The following TRAPPC9 variants were observed in gnomAD, a reference collection of about 807,000 sequenced individuals.
The protein encoded by TRAPPC9 is IKK2 binding protein.
A neutral mutation model predicts 124.0 loss-of-function variants in TRAPPC9; 83 were observed. The observed-to-expected ratio is 0.67, with a 90% CI of 0.56 to 0.80. The LOEUF (loss-of-function observed/expected upper bound fraction) is 0.80, where lower values mean the gene tolerates loss of function less well. Ranked by LOEUF, TRAPPC9 falls within the 30% of genes least tolerant of loss-of-function variation. TRAPPC9 has a pLI of 0.00. For synonymous variants in TRAPPC9, 638 were observed against 617.5 expected (o/e 1.03, Z -0.49); for missense variants, 1,302 against 1,508.3 (o/e 0.86, Z 2.27).
chr8:139,852,260 C>A (rs1827527714), intron 21 of TRAPPC9, among the ~76,000 whole-genome samples: 1 of 152,188 alleles, frequency 6.6e-6, no homozygotes, highest in African/African-American at 2.4e-5. Flanking sequence ...TTTTTAAAGA[C>A]ATGCCCAGTC....
rs946309015 is a variant in TRAPPC9, at chr8:140,063,678, C to T, written c.2557-39599G>A. 5.3e-5 allele frequency among the ~76,000 whole-genome samples: 8 copies of T among 152,178 alleles called. No individual in the cohort carries two copies. The highest frequency in any genetic ancestry group is 4.4e-5 in the Non-Finnish European group (3 of 68,034). The stretch of plus-strand genomic sequence containing the variant: ...ACTTTTTTCCATAAAAGAATTATTT[C>T]GGCAGGATGCTGAACTAATACTAAC... On this transcript the variant is annotated intron_variant, in intron 17 of 22. Transcript: ENST00000438773. The surrounding 1 kb of genome is among the most constrained non-coding windows in gnomAD (Gnocchi z 4.3).
At chr8:140,427,054 T>C (rs1319942989) in intron 4 of TRAPPC9, among the ~76,000 whole-genome samples, 3 of 151,620 alleles carry the variant, frequency 2.0e-5, no homozygotes, top group Non-Finnish European at 4.4e-5. Flanking sequence ...GCCTCCCAAG[T>C]AGCTGGGACT....
At chr8:139,899,412 G>A (rs1026415427) in intron 20 of TRAPPC9, among the ~76,000 whole-genome samples, 1 of 152,132 alleles carries the variant, frequency 6.6e-6, no homozygotes, top group East Asian at 1.9e-4. Flanking sequence ...AGAAAATCAT[G>A]AGGAAGAGAG....
intron 19 of TRAPPC9, among the ~76,000 whole-genome samples, chr8:139,981,151 T>TC (rs1425699803): frequency 6.6e-6 from 1 of 152,142 alleles, no homozygotes; most frequent in Non-Finnish European, 1.5e-5. Flanking sequence ...TCCCTATTGA[T>TC]CCCAGAGCCA....
At chr8:140,206,774 T>TA in intron 17 of TRAPPC9, among the ~76,000 whole-genome samples, 1 of 151,838 alleles carries the variant, frequency 6.6e-6, no homozygotes, top group African/African-American at 2.4e-5. Flanking sequence ...TATATATATA[T>TA]TTAAAAAGCC....
At chr8:140,342,214 C>T (rs2067215682) in intron 9 of TRAPPC9, among the ~76,000 whole-genome samples, 1 of 152,196 alleles carries the variant, frequency 6.6e-6, no homozygotes, top group Non-Finnish European at 1.5e-5. Context: ...CGTTGTCCCA[C>T]AGAGACAAGA....
intron 5 of TRAPPC9, among the ~76,000 whole-genome samples, chr8:140,420,496 G>A (rs1039516799): frequency 4.8e-4 from 73 of 151,950 alleles, no homozygotes; most frequent in African/African-American, 1.5e-3. Context: ...GGGTGGGGGA[G>A]GTATGGGTAA....
At chr8:140,360,661 C>CAGCT (rs1290124389) in intron 8 of TRAPPC9, among the ~76,000 whole-genome samples, 1 of 152,034 alleles carries the variant, frequency 6.6e-6, no homozygotes, top group East Asian at 1.9e-4. Context: ...TTAAATTCTA[C>CAGCT]AGCTGCTCAC....
rs1187987262 is a variant in TRAPPC9 at position 139,961,430 on chromosome 8, G to A, written c.2810+27296C>T. Among the ~76,000 whole-genome samples the A allele has an allele frequency of 6.5e-5, 8 of 123,558 alleles. 3 individuals are homozygous for A. The highest frequency in any genetic ancestry group is 1.6e-4 in the Non-Finnish European group (8 of 51,612). 81.1% of individuals were successfully genotyped at this position (123,558 alleles called of 152,430 possible). A position where few individuals can be genotyped will look rare whatever the true frequency, so the allele number is the denominator to read the frequency against. On this transcript the variant is annotated intron_variant, in intron 19 of 22. Transcript: ENST00000438773. The stretch of plus-strand genomic sequence containing the variant: ...TGCCCAAACCACCACCCAAACCATA[G>A]CTGCAGACCCAGGCCTCCTGCTCTA...
intron 17 of TRAPPC9, among the ~76,000 whole-genome samples, chr8:140,077,878 T>G (rs1460491386): frequency 6.6e-6 from 1 of 152,172 alleles, no homozygotes; most frequent in South Asian, 2.1e-4. Flanking sequence ...AAAGGCTGCG[T>G]GGCCCCAGAT....
chr8:139,972,964 C>T (rs983647665), intron 19 of TRAPPC9, among the ~76,000 whole-genome samples: 1 of 152,206 alleles, frequency 6.6e-6, no homozygotes, highest in Non-Finnish European at 1.5e-5. Flanking sequence ...TCTCCTCCCA[C>T]CACTGACTCA....
chr8:139,756,687 C>T (rs1210821120), intron 21 of TRAPPC9, among the ~76,000 whole-genome samples: 1 of 130,296 alleles, frequency 7.7e-6, no homozygotes. Context: ...GACAGTGTGT[C>T]GCAGGAGGAG....
chr8:140,361,209 G>T (rs1230824984), intron 8 of TRAPPC9, among the ~76,000 whole-genome samples: 1 of 152,248 alleles, frequency 6.6e-6, no homozygotes, highest in Non-Finnish European at 1.5e-5. Flanking sequence ...CACGACAGTC[G>T]GTTGGTTAAC....
chr8:140,333,209 A>C (rs910004001), intron 9 of TRAPPC9, among the ~76,000 whole-genome samples: 27 of 152,226 alleles, frequency 1.8e-4, no homozygotes, highest in African/African-American at 6.5e-4. Context: ...ACAATACAAA[A>C]GAAATACACT....
intron 17 of TRAPPC9, among the ~76,000 whole-genome samples, chr8:140,075,949 A>T (rs1843482153): frequency 6.6e-6 from 1 of 152,238 alleles, no homozygotes; most frequent in Non-Finnish European, 1.5e-5. Context: ...CTCTTATGAT[A>T]GCCCACTTCT....
intron 17 of TRAPPC9, among the ~76,000 whole-genome samples, chr8:140,189,779 C>A (rs2062441660): frequency 6.6e-6 from 1 of 152,110 alleles, no homozygotes; most frequent in African/African-American, 2.4e-5. Flanking sequence ...TCTTTTGCTT[C>A]GCATTTGCAG....
chr8:139,809,617 AG>A (rs773393950), intron 21 of TRAPPC9, among the ~76,000 whole-genome samples: 10 of 152,284 alleles, frequency 6.6e-5, no homozygotes, highest in East Asian at 3.9e-4. Flanking sequence ...GGGGTCCTCC[AG>A]AGCCTGGCCT....
At chr8:140,042,069 A>C (rs1455456532) in intron 17 of TRAPPC9, among the ~76,000 whole-genome samples, 4 of 152,262 alleles carry the variant, frequency 2.6e-5, no homozygotes, top group Non-Finnish European at 4.4e-5. Flanking sequence ...CGTTTATGAC[A>C]TAACACTATT....
At chr8:139,747,743 A>C (rs534514300) in intron 21 of TRAPPC9, among the ~76,000 whole-genome samples, 29 of 58,342 alleles carry the variant, frequency 5.0e-4, no homozygotes, top group African/African-American at 2.3e-3. Context: ...CAGGGATCAG[A>C]GAAGATGCAG....
Sources: gnomAD v4.1 joint callset for allele counts (sites outside exome capture counted in the v4.1 genomes callset) on GRCh38, gnomAD v4.1.1 for gene constraint, Gnocchi (gnomAD v3.1) non-coding constraint, MANE v1.5 for transcripts, NCBI Gene and HGNC (gene_info 2026-07-23, HGNC 2026-07-21) for gene names.